CHM: variants seen among roughly 807,000 people sequenced by gnomAD.
CHM encodes the protein CHM Rab escort protein, also known as rab proteins geranylgeranyltransferase component A 1.
Under a neutral mutation model 49.0 loss-of-function variants are expected in CHM, and 10 were observed. The observed-to-expected ratio is 0.20, with a 90% CI of 0.13 to 0.35. The LOEUF (loss-of-function observed/expected upper bound fraction) is 0.35. Ranked by LOEUF, CHM falls within the 10% of genes least tolerant of loss-of-function variation. CHM has a pLI of 1.00. For synonymous variants in CHM, 184 were observed against 167.5 expected (o/e 1.10, Z -0.76); for missense variants, 455 against 478.4 (o/e 0.95, Z 0.46).
chrX:85,981,325 C>G (rs1213896644), intron 3 of CHM, among the ~76,000 whole-genome samples: 1 of 104,036 alleles, frequency 9.6e-6, no homozygotes, highest in East Asian at 3.0e-4. Flanking sequence ...CCTCCACCTC[C>G]CAGGTTCAAG....
rs766005908 is a variant in CHM at position 85,884,891 on chromosome X, G to C, written c.1511-5828C>G. 3.3e-4 allele frequency among the ~76,000 whole-genome samples: 37 copies of C among 111,051 alleles called. No homozygotes were observed. In the South Asian group the frequency reaches 0.014, roughly 42 times the overall value. On this transcript the variant is annotated intron_variant, in intron 12 of 14. Coordinates refer to ENST00000357749, the MANE Select transcript of CHM (RefSeq NM_000390.4). ...AAGTGGTTGAGAAGTTGAAAACACT[G>C]AGAATTATACATTTTATCTTATTAC...
At chrX:85,936,647 T>C (rs1403461792) in intron 8 of CHM, among the ~76,000 whole-genome samples, 3 of 112,328 alleles carry the variant, frequency 2.7e-5, no homozygotes, top group Non-Finnish European at 5.6e-5. Flanking sequence ...CCTTCCAAAG[T>C]AGAAGGTAAA....
intron 2 of CHM, among the ~76,000 whole-genome samples, chrX:86,007,343 G>C (rs1259368943): frequency 8.9e-6 from 1 of 111,735 alleles, no homozygotes; most frequent in East Asian, 2.8e-4. Context: ...TCAAGACATA[G>C]GCATGGGCAA....
intron 4 of CHM, chrX:85,971,664 C>G: frequency 4.7e-6 from 1 of 213,086 alleles, no homozygotes; most frequent in Non-Finnish European, 9.1e-6. Flanking sequence ...GGGACCGGAG[C>G]TGGTTGCCAC....
chrX:85,887,650 C>G (rs771522076), intron 12 of CHM, among the ~76,000 whole-genome samples: 11 of 111,385 alleles, frequency 9.9e-5, no homozygotes, highest in Non-Finnish European at 1.7e-4. Context: ...AAGTTTGGAA[C>G]TCCATAGATA....
At chrX:85,888,431 C>T (rs773314160) in intron 12 of CHM, among the ~76,000 whole-genome samples, 21 of 111,908 alleles carry the variant, frequency 1.9e-4, no homozygotes, top group African/African-American at 6.5e-4. Context: ...ATGTGTAAGT[C>T]GATATAACTT....
rs397514603 is a variant in CHM, at chrX:85,879,054, T to C, written c.1520A>G (p.His507Arg). Residue 507 changes from histidine (H) to arginine (R), a missense_variant, in exon 13 of 15, where the codon CAT (histidine) becomes CGT (arginine). By Grantham distance (29) the His-to-Arg change is conservative. Coordinates refer to ENST00000357749, the MANE Select transcript of CHM (RefSeq NM_000390.4). ...TGTTTTAGAAGATGTGCAAGTCAAA[T>C]GAACCAAATCTGTTAAAAAAAAAAT... ...MTCMKGTYLV[H>R]LTCTSSKTAR... The C allele has an allele frequency of 8.5e-7, 1 of 1,181,056 alleles. No homozygotes were observed.
At chrX:86,024,592 A>C (rs67848737) in intron 2 of CHM, among the ~76,000 whole-genome samples, 6,633 of 111,948 alleles carry the variant, frequency 0.059, 291 homozygotes, top group African/African-American at 0.15. Flanking sequence ...GGAGGTTATG[A>C]GCTCATTCAG....
chrX:86,001,969 T>TTACAA (rs1463207032), intron 2 of CHM, among the ~76,000 whole-genome samples: 5 of 111,246 alleles, frequency 4.5e-5, no homozygotes, highest in African/African-American at 1.6e-4. Flanking sequence ...TTGCATGCAA[T>TTACAA]TACAAGCAAA....
chrX:85,937,400 T>C (rs1271179015), intron 8 of CHM, among the ~76,000 whole-genome samples: 1 of 110,801 alleles, frequency 9.0e-6, no homozygotes, highest in Non-Finnish European at 1.9e-5. Context: ...TTTATTCTCA[T>C]ACAAACTATT....
rs751607179 is a variant in CHM, at chrX:85,864,971, G to A, written c.1771-150C>T. 2.8e-4 allele frequency: 143 copies of A among 514,115 alleles called. 1 individual carries two copies. In the South Asian group the frequency reaches 3.3e-3, roughly 12 times the overall value. 42.4% of individuals were successfully genotyped at this position (514,115 alleles called of 1,213,427 possible). A position where few individuals can be genotyped will look rare whatever the true frequency, so the allele number is the denominator to read the frequency against. On this transcript the variant is annotated intron_variant, in intron 14 of 14. Transcript: ENST00000357749. ...ACTTAATCAGAATACATGAACTTCC[G>A]TAAGTCTGTTTTCAGAATTCTATGA...
intron 1 of CHM, among the ~76,000 whole-genome samples, chrX:86,033,825 C>A (rs1934132164): frequency 1.8e-5 from 2 of 111,817 alleles, no homozygotes; most frequent in Admixed American, 1.9e-4. Context: ...ACTCTAACCT[C>A]CCCACAAAAT....
intron 2 of CHM, among the ~76,000 whole-genome samples, chrX:86,015,851 G>A (rs1267878104): frequency 8.9e-6 from 1 of 112,467 alleles, no homozygotes; most frequent in Non-Finnish European, 1.9e-5. Context: ...GGTGACTTGG[G>A]GCCGGGCGGG....
At chrX:85,928,550 A>T (rs1928232030) in intron 8 of CHM, among the ~76,000 whole-genome samples, 1 of 112,222 alleles carries the variant, frequency 8.9e-6, no homozygotes, top group African/African-American at 3.2e-5. Flanking sequence ...TCAAAAAAAT[A>T]AATAAATAAA....
intron 5 of CHM, among the ~76,000 whole-genome samples, chrX:85,960,452 G>GTC (rs10628887): frequency 0.22 from 24,121 of 108,067 alleles, 2,160 homozygotes; most frequent in Non-Finnish European, 0.25. Context: ...TTGAGACAGA[G>GTC]TCTCTCTGCT....
chrX:86,037,469 C>A (rs905563334), intron 1 of CHM, among the ~76,000 whole-genome samples: 8 of 111,163 alleles, frequency 7.2e-5, no homozygotes, highest in African/African-American at 2.6e-4. Context: ...ATTTAAGTGA[C>A]CAAAATGATC....
At chrX:86,034,409 G>A (rs756747137) in intron 1 of CHM, among the ~76,000 whole-genome samples, 2 of 111,738 alleles carry the variant, frequency 1.8e-5, no homozygotes, top group East Asian at 5.7e-4. Flanking sequence ...AAAGCAAGGT[G>A]ATACAATATC....
intron 4 of CHM, among the ~76,000 whole-genome samples, chrX:85,964,521 G>A (rs776094613): frequency 9.0e-6 from 1 of 111,250 alleles, no homozygotes; most frequent in Non-Finnish European, 1.9e-5. Flanking sequence ...ATTAAGTACT[G>A]CATGCAAAGA....
chrX:85,996,530 C>T (rs766254225), intron 2 of CHM, among the ~76,000 whole-genome samples: 1 of 111,445 alleles, frequency 9.0e-6, no homozygotes, highest in East Asian at 2.8e-4. Context: ...TCTTGGGACC[C>T]CAAACTCACT....
Sources: gnomAD v4.1 joint callset for allele counts (sites outside exome capture counted in the v4.1 genomes callset) on GRCh38, gnomAD v4.1.1 for gene constraint, MANE v1.5 for transcripts, NCBI Gene and HGNC (gene_info 2026-07-23, HGNC 2026-07-21) for gene names.